Variants in SMURF2 observed in about 807,000 individuals in gnomAD.
SMURF2 encodes the protein SMAD specific E3 ubiquitin protein ligase 2.
Under a neutral mutation model 109.6 loss-of-function variants are expected in SMURF2, and 48 were observed. That is an observed-to-expected ratio of 0.44 (90% CI 0.35 to 0.56). The LOEUF is 0.56. Ranked by LOEUF, SMURF2 falls within the 20% of genes least tolerant of loss-of-function variation. The pLI is 0.01. For missense variants in SMURF2, 575 were observed against 909.0 expected (o/e 0.63, Z 4.72); for synonymous variants, 288 against 317.1 (o/e 0.91, Z 0.97).
In SMURF2 at chr17:64,546,189, A is replaced by G. The variant is rs112957052; in HGVS notation, c.2147+74T>C. 9.7e-6 allele frequency: 14 copies of G among 1,441,456 alleles called. No homozygotes were observed. In the South Asian group the frequency reaches 1.6e-4, roughly 17 times the overall value. 89.3% of individuals were successfully genotyped at this position (1,441,456 alleles called of 1,614,324 possible). A position where few individuals can be genotyped will look rare whatever the true frequency, so the allele number is the denominator to read the frequency against. On this transcript the variant is annotated intron_variant, in intron 18 of 18. Coordinates refer to ENST00000262435, the MANE Select transcript of SMURF2 (RefSeq NM_022739.4). ...CATTTAACACTAGTAAGTACAATAA[A>G]TAAAAAGTCAAATCTGTTTGGAACT...
chr17:64,545,843 G>A lies in SMURF2; in HGVS notation c.*5C>T, dbSNP rs782305703. 6.4e-7 allele frequency: 1 copy of A among 1,568,004 alleles called. No individual in the cohort carries two copies. Among genetic ancestry groups the A allele is most frequent in the Admixed American group, 1.7e-5 (1 of 59,786 alleles). ...ATAGAGTCCTGGGTAAATCCTTGAA[G>A]CTTGTCATTCCACAGCAAATCCACA... On this transcript the variant is annotated 3_prime_UTR_variant, in exon 19 of 19. Transcript: ENST00000262435.
intron 4 of SMURF2, 80 bp from the exon 5 acceptor site, chr17:64,591,229 T>G: frequency 9.5e-7 from 1 of 1,056,156 alleles, no homozygotes; most frequent in Non-Finnish European, 1.4e-6. Flanking sequence ...GACAATAAAT[T>G]TCCACAATCC....
In SMURF2 at chr17:64,640,850, C is replaced by CG. The variant is rs1970483928; in HGVS notation, c.52+20978dup. On this transcript the variant is annotated intron_variant, in intron 1 of 18. Transcript: ENST00000262435. ...AGGAGAATCATCTGAACCAGGGAGT[C>CG]GGAGATTGCAGTAAGCCGAGATCAT... is the stretch of plus-strand genomic sequence containing the variant. 2.0e-5 allele frequency among the ~76,000 whole-genome samples: 3 copies of CG among 148,590 alleles called. No homozygotes were observed. The Admixed American group carries it at 2.0e-4, about 10-fold the overall frequency.
At chr17:64,626,258 CAA>C (rs782086305) in intron 1 of SMURF2, among the ~76,000 whole-genome samples, 7 of 58,446 alleles carry the variant, frequency 1.2e-4, no homozygotes, top group African/African-American at 6.3e-5. Flanking sequence ...GACACGGTCT[CAA>C]AAAAAAAAAA....
Position 64,648,078 on chromosome 17 carries a change from A to C in SMURF2, c.52+13751T>G, listed in dbSNP as rs1390450592. 8.7e-5 allele frequency among the ~76,000 whole-genome samples: 13 copies of C among 149,086 alleles called. No homozygotes were observed. In the South Asian group the frequency reaches 1.7e-3, roughly 19 times the overall value. Reference sequence around the variant, plus strand: ...TCTCTTAAAAAAAAAAAAAAAAAAAAAAAAAAAAAAAAAACAGGATCTCAA... The same window carrying C: ...TCTCTTAAAAAAAAAAAAAAAAAAACAAAAAAAAAAAAAACAGGATCTCAA... On this transcript the variant is annotated intron_variant, in intron 1 of 18. Transcript: ENST00000262435.
At chr17:64,660,242 C>CTA (rs1400141156) in intron 1 of SMURF2, among the ~76,000 whole-genome samples, 5 of 152,132 alleles carry the variant, frequency 3.3e-5, no homozygotes, top group African/African-American at 9.7e-5. Flanking sequence ...TGGAAACAGC[C>CTA]TATTTCTGAT....
At chr17:64,635,088 A>G (rs1340189981) in intron 1 of SMURF2, among the ~76,000 whole-genome samples, 4 of 152,126 alleles carry the variant, frequency 2.6e-5, no homozygotes, top group Admixed American at 1.3e-4. Flanking sequence ...GCACTTTGGG[A>G]GGCCAGGGTG....
At position 64,570,554 on chromosome 17, in the gene SMURF2, C is replaced by T. The variant is rs77366070; in HGVS notation, c.1016+1244G>A. On this transcript the variant is annotated intron_variant, in intron 10 of 18. Transcript: ENST00000262435. ...AACAGAGTTAGAAGAAATGAGGCAG[C>T]TAGAGAGAAAAGAAAAGCAAAGGAT... Among the ~76,000 whole-genome samples the T allele has an allele frequency of 9.6e-3, 1,456 of 152,266 alleles. 16 individuals are homozygous for T. Among genetic ancestry groups the T allele is most frequent in the Non-Finnish European group, 0.015 (1,043 of 68,032 alleles).
In SMURF2 at chr17:64,655,736, C is replaced by CA. The variant is rs1317740966; in HGVS notation, c.52+6092dup. On this transcript the variant is annotated intron_variant, in intron 1 of 18. Transcript: ENST00000262435. ...AACCCATCTCCACCCAAAAAAAATA[C>CA]AAAAAAAAATTAGCTGGGAGTGGTG... 4.0e-5 allele frequency among the ~76,000 whole-genome samples: 6 copies of CA among 150,990 alleles called. No homozygotes were observed. The South Asian group carries it at 6.3e-4, about 16-fold the overall frequency.
chr17:64,599,609 G>A (rs1471587614), intron 2 of SMURF2, among the ~76,000 whole-genome samples: 2 of 152,184 alleles, frequency 1.3e-5, no homozygotes, highest in Admixed American at 6.5e-5. Flanking sequence ...TCAGATCAGC[G>A]GCAGCATTAG....
intron 4 of SMURF2, among the ~76,000 whole-genome samples, chr17:64,592,469 T>C (rs1214051685): frequency 6.6e-6 from 1 of 152,164 alleles, no homozygotes; most frequent in Non-Finnish European, 1.5e-5. Context: ...GCCCTTTTCT[T>C]TTTCACAAGG....
intron 10 of SMURF2, among the ~76,000 whole-genome samples, chr17:64,564,675 A>G (rs782602408): frequency 6.6e-6 from 1 of 152,220 alleles, no homozygotes; most frequent in African/African-American, 2.4e-5. Flanking sequence ...ATTTGTCTAC[A>G]AGCCAAGGAA....
chr17:64,584,934 AATACC>A (rs1969632329), intron 6 of SMURF2, among the ~76,000 whole-genome samples: 1 of 152,194 alleles, frequency 6.6e-6, no homozygotes, highest in South Asian at 2.1e-4. Context: ...CCTTTTCAAA[AATACC>A]ATAATCTACC....
intron 18 of SMURF2, 119 bp downstream of exon 18, chr17:64,546,144 T>C: frequency 9.4e-7 from 1 of 1,058,480 alleles, no homozygotes; most frequent in Non-Finnish European, 1.4e-6. Flanking sequence ...TTAAGTTGCT[T>C]ATCATTCCCT....
intron 5 of SMURF2, among the ~76,000 whole-genome samples, chr17:64,588,622 G>GT (rs1383744919): frequency 2.0e-5 from 3 of 148,532 alleles, no homozygotes; most frequent in Middle Eastern, 3.2e-3. Context: ...TTTGTTTTTT[G>GT]TTTTTTTGTT....
At chr17:64,637,997 T>C (rs976358273) in intron 1 of SMURF2, among the ~76,000 whole-genome samples, 1 of 151,282 alleles carries the variant, frequency 6.6e-6, no homozygotes, top group Non-Finnish European at 1.5e-5. Context: ...TCTATTCCAT[T>C]GATCTATATC....
intron 12 of SMURF2, among the ~76,000 whole-genome samples, chr17:64,559,816 C>T (rs1487271241): frequency 1.3e-5 from 2 of 150,830 alleles, no homozygotes; most frequent in African/African-American, 2.4e-5. Flanking sequence ...AGCACGATCT[C>T]GGCTCAGTGC....
At chr17:64,606,482 C>A in intron 2 of SMURF2, 120 bp downstream of exon 2, 1 of 764,268 alleles carries the variant, frequency 1.3e-6, no homozygotes, top group South Asian at 1.7e-5. Context: ...CCGAAGCATT[C>A]ATAATAAAAT....
intron 3 of SMURF2, chr17:64,593,882 A>C: frequency 5.7e-6 from 1 of 175,528 alleles, no homozygotes. Flanking sequence ...TTTGCAAGAA[A>C]AAGAATCTTA....
Sources: gnomAD v4.1 joint callset for allele counts (sites outside exome capture counted in the v4.1 genomes callset) on GRCh38, gnomAD v4.1.1 for gene constraint, MANE v1.5 for transcripts, NCBI Gene and HGNC (gene_info 2026-07-23, HGNC 2026-07-21) for gene names.